Variants in RAD54L observed in about 807,000 individuals in gnomAD.
RAD54L encodes the protein DNA repair and recombination protein RAD54-like.
RAD54L carries 74 observed loss-of-function variants against 91.6 expected under a neutral mutation model. The observed-to-expected ratio is 0.81, with a 90% CI of 0.67 to 0.98. The LOEUF is 0.98. RAD54L is among the 50% of genes least tolerant of loss of function. RAD54L has a pLI of 0.00. For missense variants in RAD54L, 887 were observed against 945.7 expected, an observed-to-expected ratio of 0.94 and a Z score of 0.81; for synonymous variants, 304 against 349.7, an observed-to-expected ratio of 0.87 and a Z score of 1.46.
chr1:46,277,771 G>A (rs1660655330), intron 16 of RAD54L, 46 bp from the exon 17 acceptor site: 1 of 1,549,670 alleles, frequency 6.5e-7, no homozygotes, highest in South Asian at 1.1e-5. Flanking sequence ...TTATGAGGAT[G>A]GCTAAGCGCT....
chr1:46,268,463 T>G (rs1476751869), intron 9 of RAD54L, among the ~76,000 whole-genome samples: 1 of 152,220 alleles, frequency 6.6e-6, no homozygotes, highest in Non-Finnish European at 1.5e-5. Flanking sequence ...GTGGCAAGAT[T>G]ATGACCAAGT....
chr1:46,278,304 G>T lies in RAD54L; in HGVS notation c.*22G>T. ...CTGATAACCAGCTGGTCTGGGTGTA[G>T]CTCTTAGAGGAAGGAGATAGGGAAA... On this transcript the variant is annotated 3_prime_UTR_variant, in exon 18 of 18. Transcript: ENST00000371975. 1 of 1,595,600 alleles carries T rather than the reference G, an allele frequency of 6.3e-7. No homozygotes were observed. The highest frequency in any genetic ancestry group is 8.5e-7 in the Non-Finnish European group (1 of 1,170,468).
chr1:46,253,039 T>C (rs1372595281), intron 3 of RAD54L, among the ~76,000 whole-genome samples: 1 of 152,146 alleles, frequency 6.6e-6, no homozygotes, highest in Non-Finnish European at 1.5e-5. Context: ...GTCAGTGCAC[T>C]CCACCCTGGG....
chr1:46,253,624 A>AG (rs1491237028), intron 3 of RAD54L, among the ~76,000 whole-genome samples: 12 of 151,688 alleles, frequency 7.9e-5, no homozygotes, highest in Non-Finnish European at 1.3e-4. Context: ...AAAAAAAAAA[A>AG]GAATTCACAC....
Position 46,263,122 on chromosome 1 carries a change from T to C in RAD54L, c.891+1737T>C, listed in dbSNP as rs1001958488. ...GTACTTGCAAGAACAAAAGCAGAGA[T>C]AAGAAAGTCCATACACCTTGTAGTA... On this transcript the variant is annotated intron_variant, in intron 8 of 17. Coordinates refer to ENST00000371975, the MANE Select transcript of RAD54L (RefSeq NM_003579.4). The surrounding 1 kb of genome is among the most constrained non-coding windows in gnomAD (Gnocchi z 4.3). Among the ~76,000 whole-genome samples, 1 of 152,218 alleles carries C rather than the reference T, an allele frequency of 6.6e-6. No homozygotes were observed. The highest frequency in any genetic ancestry group is 2.4e-5 in the African/African-American group (1 of 41,458).
intron 9 of RAD54L, among the ~76,000 whole-genome samples, chr1:46,269,344 T>C (rs1660356990): frequency 6.6e-6 from 1 of 151,790 alleles, no homozygotes; most frequent in South Asian, 2.1e-4. Flanking sequence ...GGTCTCGCTT[T>C]GTCACCCAGG....
At chr1:46,275,004 C>T (rs1195036712) in intron 16 of RAD54L, among the ~76,000 whole-genome samples, 1 of 152,224 alleles carries the variant, frequency 6.6e-6, no homozygotes, top group African/African-American at 2.4e-5. Flanking sequence ...TTGTAGTCTT[C>T]TCTCATCCCC....
chr1:46,261,693 T>C (rs2148289726), intron 8 of RAD54L, among the ~76,000 whole-genome samples: 1 of 152,316 alleles, frequency 6.6e-6, no homozygotes, highest in African/African-American at 2.4e-5. Context: ...TTAGAGGATA[T>C]AAATCAGAAA....
chr1:46,261,758 C>G (rs539177398), intron 8 of RAD54L, among the ~76,000 whole-genome samples: 2 of 152,094 alleles, frequency 1.3e-5, no homozygotes, highest in Admixed American at 6.6e-5. Context: ...TGAGGATGCT[C>G]TGGGGAAAAA....
At chr1:46,271,689 T>C (rs935670784) in intron 10 of RAD54L, among the ~76,000 whole-genome samples, 1 of 151,948 alleles carries the variant, frequency 6.6e-6, no homozygotes, top group Non-Finnish European at 1.5e-5. Context: ...GGAAGAAGAA[T>C]TGGTGTTTTC....
intron 15 of RAD54L, 86 bp downstream of exon 15, chr1:46,274,302 A>G (rs1660529469): frequency 8.5e-7 from 1 of 1,182,024 alleles, no homozygotes; most frequent in African/African-American, 1.6e-5. Flanking sequence ...GGTTACCTTG[A>G]TTTTTTTTTT....
intron 7 of RAD54L, 65 bp downstream of exon 7, chr1:46,261,080 C>T (rs896266641): frequency 2.2e-5 from 35 of 1,581,104 alleles, no homozygotes; most frequent in Non-Finnish European, 2.8e-5. Context: ...TACGTGTATG[C>T]TCATTTATGG....
intron 3 of RAD54L, among the ~76,000 whole-genome samples, chr1:46,250,501 A>G (rs1177120614): frequency 6.6e-6 from 1 of 152,194 alleles, no homozygotes; most frequent in Non-Finnish European, 1.5e-5. Flanking sequence ...TGCCTCATGT[A>G]ATTCTCACGT....
At position 46,277,907 on chromosome 1, in the gene RAD54L, C is replaced by A; in HGVS notation, c.1960C>A (p.Arg654Ser). 1 of 1,614,032 alleles carries A rather than the reference C, an allele frequency of 6.2e-7. No individual in the cohort carries two copies. The highest frequency in any genetic ancestry group is 1.1e-5 in the South Asian group (1 of 91,080). Residue 654 changes from arginine to serine, a missense_variant, in exon 17 of 18, where the codon CGC becomes AGC. Physicochemically the swap from Arg to Ser is moderately radical, Grantham distance 110. Coordinates refer to ENST00000371975, the MANE Select transcript of RAD54L (RefSeq NM_003579.4). ...CVVDEEQDVE[R>S]HFSLGELKEL... is the part of the protein sequence containing the mutation. Reference sequence around the variant, plus strand: ...GGTGGATGAGGAGCAGGATGTAGAGCGCCACTTCTCTCTGGGCGAGTTGAA... The same window carrying A: ...GGTGGATGAGGAGCAGGATGTAGAGAGCCACTTCTCTCTGGGCGAGTTGAA...
chr1:46,256,102 G>T (rs1401393839), intron 3 of RAD54L, among the ~76,000 whole-genome samples: 1 of 150,520 alleles, frequency 6.6e-6, no homozygotes, highest in East Asian at 2.0e-4. Context: ...TTCCTTTGAG[G>T]CAGGTCTTGC....
chr1:46,255,647 C>T (rs1322804063), intron 3 of RAD54L, among the ~76,000 whole-genome samples: 2 of 151,928 alleles, frequency 1.3e-5, no homozygotes, highest in Non-Finnish European at 2.9e-5. Context: ...TATAGGTGCC[C>T]GCCCCCACAC....
In RAD54L at chr1:46,260,869, G is replaced by A. The variant is rs1660095592; in HGVS notation, c.620G>A (p.Cys207Tyr). 1.2e-6 allele frequency: 2 copies of A among 1,614,240 alleles called. No homozygotes were observed. The highest frequency in any genetic ancestry group is 8.5e-7 in the Non-Finnish European group (1 of 1,180,052). ...ACACTTTTACGCCAGAGTCCAGAGT[G>A]CAAGCCAGAAATTGACAAGGCAGTG... Reference protein sequence around the residue: ...MWTLLRQSPECKPEIDKAVVV... With the variant: ...MWTLLRQSPEYKPEIDKAVVV... Residue 207 changes from cysteine to tyrosine, a missense_variant, in exon 7 of 18, where the codon TGC becomes TAC. By Grantham distance (194) the Cys-to-Tyr change is radical. Coordinates refer to ENST00000371975, the MANE Select transcript of RAD54L (RefSeq NM_003579.4).
At chr1:46,268,985 G>A (rs1660342228) in intron 9 of RAD54L, among the ~76,000 whole-genome samples, 1 of 152,134 alleles carries the variant, frequency 6.6e-6, no homozygotes, top group South Asian at 2.1e-4. Flanking sequence ...GGCTGGTCTT[G>A]AATTCCTGGG....
intron 12 of RAD54L, 96 bp from the exon 13 acceptor site, chr1:46,273,259 G>C (rs1660488166): frequency 1.0e-6 from 1 of 993,198 alleles, no homozygotes; most frequent in Admixed American, 1.7e-5. Context: ...GTTGAGGAAG[G>C]CCTTTTGGGC....
Sources: gnomAD v4.1 joint callset for allele counts (sites outside exome capture counted in the v4.1 genomes callset) on GRCh38, gnomAD v4.1.1 for gene constraint, Gnocchi (gnomAD v3.1) non-coding constraint, MANE v1.5 for transcripts, NCBI Gene and HGNC (gene_info 2026-07-23, HGNC 2026-07-21) for gene names.